The following EXPH5 variants were observed in gnomAD, a reference collection of about 807,000 sequenced individuals.
The protein encoded by EXPH5 is exophilin-5.
EXPH5 carries 42 observed loss-of-function variants against 41.1 expected under a neutral mutation model. The observed-to-expected ratio is 1.02, with a 90% CI of 0.80 to 1.32. The LOEUF is 1.32. Among genes scored for constraint, EXPH5 ranks in the 40% most tolerant of loss-of-function variants. The pLI is 0.00. For synonymous variants in EXPH5, 798 were observed against 833.5 expected (o/e 0.96, Z 0.73); for missense variants, 2,298 against 2,314.5 (o/e 0.99, Z 0.15).
chr11:108,512,606 A>G lies in EXPH5; in HGVS notation c.2901T>C (p.Phe967=). 1 of 1,613,134 alleles carries G rather than the reference A, an allele frequency of 6.2e-7. No individual in the cohort carries two copies. Among genetic ancestry groups the G allele is most frequent in the Non-Finnish European group, 8.5e-7 (1 of 1,179,820 alleles). Residue 967 remains phenylalanine, a synonymous_variant, in exon 6 of 6, where the codon TTT becomes TTC. Transcript: ENST00000265843. ...VDVKCHSHSP[F]RNERGKGKIR... ...TTTTTCCTTTTCCTCTTTCATTCCT[A>G]AAAGGAGAGTGTGAATGGCATTTGA...
At chr11:108,567,604 T>A (rs2094040200) in intron 1 of EXPH5, among the ~76,000 whole-genome samples, 1 of 152,172 alleles carries the variant, frequency 6.6e-6, no homozygotes, top group Non-Finnish European at 1.5e-5. Flanking sequence ...ATACTTTGCA[T>A]TTACCATAGC....
intron 5 of EXPH5, 104 bp from the exon 6 acceptor site, chr11:108,514,979 T>G (rs936590867): frequency 6.2e-5 from 38 of 616,454 alleles, no homozygotes; most frequent in Non-Finnish European, 8.3e-5. Flanking sequence ...CATTTATAAT[T>G]TTATTTTTAT....
At chr11:108,548,139 A>G (rs1056322906) in intron 1 of EXPH5, among the ~76,000 whole-genome samples, 3 of 143,280 alleles carry the variant, frequency 2.1e-5, no homozygotes, top group Admixed American at 7.0e-5. Flanking sequence ...AAAAAAAATC[A>G]GTGTCTCAGA....
At chr11:108,558,167 T>C (rs2093997748) in intron 1 of EXPH5, among the ~76,000 whole-genome samples, 2 of 152,176 alleles carry the variant, frequency 1.3e-5, no homozygotes, top group Admixed American at 6.5e-5. Context: ...GGTCTTGAAC[T>C]CCTGACCTCA....
intron 4 of EXPH5, among the ~76,000 whole-genome samples, chr11:108,523,117 C>A (rs771228873): frequency 1.3e-5 from 2 of 149,292 alleles, no homozygotes; most frequent in African/African-American, 4.9e-5. Flanking sequence ...TGCAAGCAAC[C>A]CTTTCACCTT....
the EXPH5 span, among the ~76,000 whole-genome samples, chr11:108,601,906 G>C: frequency 6.6e-6 from 1 of 152,072 alleles, no homozygotes; most frequent in African/African-American, 2.4e-5. Flanking sequence ...GAGCCACCAG[G>C]CTTGGCTAAT....
intron 3 of EXPH5, among the ~76,000 whole-genome samples, chr11:108,530,104 T>C (rs1448055494): frequency 1.3e-5 from 2 of 152,262 alleles, no homozygotes; most frequent in South Asian, 2.1e-4. Context: ...TTTTATAGTT[T>C]AGCTCAGATT....
intron 1 of EXPH5, among the ~76,000 whole-genome samples, chr11:108,591,233 G>T (rs1009726068): frequency 2.0e-5 from 3 of 152,210 alleles, no homozygotes; most frequent in Admixed American, 6.5e-5. Context: ...TGAGTTATAA[G>T]TCATGTGTCC....
rs1175728331 is a variant in EXPH5 at position 108,508,637 on chromosome 11, A to G, written c.*900T>C. ...ACTGCAGTAAAGGTAAGTCGGTCCC[A>G]TGAAGGGATACCTACTTCCTACCTC... On this transcript the variant is annotated 3_prime_UTR_variant, in exon 6 of 6. Transcript: ENST00000265843. 6.6e-6 allele frequency: 1 copy of G among 152,300 alleles called. No individual in the cohort carries two copies. The highest frequency in any genetic ancestry group is 6.5e-5 in the Admixed American group (1 of 15,286). The allele number at this position is 152,300 out of a possible 1,614,324, so 9.4% of individuals were successfully genotyped here. A position where few individuals can be genotyped will look rare whatever the true frequency, so the allele number is the denominator to read the frequency against.
At chr11:108,552,917 C>T (rs1036497931) in intron 1 of EXPH5, among the ~76,000 whole-genome samples, 1 of 151,924 alleles carries the variant, frequency 6.6e-6, no homozygotes, top group Admixed American at 6.6e-5. Context: ...GAAAAAAGGC[C>T]GGGTGCGGTG....
chr11:108,575,789 C>T (rs1259273373), intron 1 of EXPH5, among the ~76,000 whole-genome samples: 1 of 152,120 alleles, frequency 6.6e-6, no homozygotes, highest in Non-Finnish European at 1.5e-5. Context: ...GCCTGACCAA[C>T]ATGGCAAAAA....
At chr11:108,547,589 C>T (rs2093944295) in intron 1 of EXPH5, among the ~76,000 whole-genome samples, 1 of 152,152 alleles carries the variant, frequency 6.6e-6, no homozygotes. Flanking sequence ...TACAAGTCTG[C>T]CACTAGGCAT....
chr11:108,533,006 T>C (rs2093853590), intron 3 of EXPH5, among the ~76,000 whole-genome samples: 1 of 152,230 alleles, frequency 6.6e-6, no homozygotes, highest in Non-Finnish European at 1.5e-5. Context: ...CCCGCAGTGC[T>C]GCACATGGTA....
the EXPH5 span, among the ~76,000 whole-genome samples, chr11:108,601,546 T>C: frequency 4.6e-5 from 7 of 152,190 alleles, no homozygotes; most frequent in Non-Finnish European, 1.0e-4. Context: ...AGTACTGGAA[T>C]CCAATCAATA....
At chr11:108,529,682 T>TA (rs1157974858) in intron 3 of EXPH5, among the ~76,000 whole-genome samples, 2 of 151,914 alleles carry the variant, frequency 1.3e-5, no homozygotes, top group African/African-American at 4.8e-5. Flanking sequence ...GTGTCTCTAC[T>TA]AAAAATACAA....
intron 1 of EXPH5, among the ~76,000 whole-genome samples, chr11:108,566,618 C>T (rs527654520): frequency 3.4e-4 from 52 of 151,948 alleles, no homozygotes; most frequent in African/African-American, 1.2e-3. Context: ...TTTGGGAGGC[C>T]GAGGTGGGAG....
At chr11:108,575,128 G>C (rs1245413394) in intron 1 of EXPH5, among the ~76,000 whole-genome samples, 2 of 152,164 alleles carry the variant, frequency 1.3e-5, no homozygotes, top group South Asian at 2.1e-4. Flanking sequence ...CACAAATCAA[G>C]AAATGTGAAT....
chr11:108,528,993 G>T (rs2093818962), intron 3 of EXPH5, among the ~76,000 whole-genome samples: 1 of 151,962 alleles, frequency 6.6e-6, no homozygotes, highest in African/African-American at 2.4e-5. Context: ...GTGAGCCGTG[G>T]TGCCTGGCCA....
chr11:108,514,341 A>G lies in EXPH5; in HGVS notation c.1166T>C (p.Leu389Pro). The change falls in exon 6 of 6, where the codon CTG becomes CCG. Residue 389 changes from leucine (L) to proline (P), a missense_variant. Physicochemically the swap from Leu to Pro is moderately conservative, Grantham distance 98. Coordinates refer to ENST00000265843, the MANE Select transcript of EXPH5 (RefSeq NM_015065.3). The part of the protein sequence containing the change: ...SRDRENQEEF[L>P]RAPSPMEIDP... The stretch of plus-strand genomic sequence containing the variant: ...AATTTCCATTGGTGATGGTGCCCTC[A>G]GGAACTCTTCCTGGTTCTCCCTGTC... 6.2e-7 allele frequency: 1 copy of G among 1,613,520 alleles called. No individual in the cohort carries two copies.
Sources: gnomAD v4.1 joint callset for allele counts (sites outside exome capture counted in the v4.1 genomes callset) on GRCh38, gnomAD v4.1.1 for gene constraint, MANE v1.5 for transcripts, NCBI Gene and HGNC (gene_info 2026-07-23, HGNC 2026-07-21) for gene names.